Variants in EBF1 observed in about 807,000 individuals in gnomAD.
EBF1 encodes EBF transcription factor 1, also known as transcription factor COE1.
Under a neutral mutation model 68.4 loss-of-function variants are expected in EBF1, and 10 were observed. That is an observed-to-expected ratio of 0.15 (90% confidence interval 0.09 to 0.25). EBF1 has a LOEUF of 0.25. Among genes scored for constraint, EBF1 ranks in the 10% least tolerant of loss-of-function variants. The pLI is 1.00. For missense variants in EBF1, 509 were observed against 794.4 expected (o/e 0.64, Z 4.32); for synonymous variants, 298 against 299.8 (o/e 0.99, Z 0.06).
chr5:158,698,614 T>A lies in EBF1; in HGVS notation c.*497A>T, dbSNP rs1287553577. ...CCTTAGTTTTTCTAAAAAATCTAAC[T>A]GGCATTCCTATTCTGTCCCATACAA... is the stretch of plus-strand genomic sequence containing the variant. On this transcript the variant is annotated 3_prime_UTR_variant, in exon 16 of 16. Transcript: ENST00000313708. 2 of 216,986 alleles carry A rather than the reference T, an allele frequency of 9.2e-6. No individual in the cohort carries two copies. The highest frequency in any genetic ancestry group is 4.5e-5 in the African/African-American group (2 of 44,242). 13.4% of individuals were successfully genotyped at this position (216,986 alleles called of 1,614,324 possible).
chr5:159,092,494 AT>A (rs1781831700), intron 4 of EBF1, among the ~76,000 whole-genome samples: 1 of 152,144 alleles, frequency 6.6e-6, no homozygotes, highest in South Asian at 2.1e-4. Context: ...AAATAGTCTA[AT>A]GAGACACTTT....
intron 6 of EBF1, among the ~76,000 whole-genome samples, chr5:158,861,146 C>G (rs1368983590): frequency 6.6e-6 from 1 of 151,980 alleles, no homozygotes; most frequent in Non-Finnish European, 1.5e-5. Flanking sequence ...CTGGAGGATT[C>G]AAGGTGATAG....
At chr5:159,074,231 A>G (rs911121362) in intron 5 of EBF1, among the ~76,000 whole-genome samples, 3 of 152,208 alleles carry the variant, frequency 2.0e-5, no homozygotes, top group African/African-American at 4.8e-5. Flanking sequence ...AAAAGTACCT[A>G]TTACTAAAAT....
At chr5:159,047,726 C>T (rs973352051) in intron 6 of EBF1, among the ~76,000 whole-genome samples, 2 of 152,200 alleles carry the variant, frequency 1.3e-5, no homozygotes, top group African/African-American at 4.8e-5. Context: ...GTCCTTCACA[C>T]ATCAGCCCCA....
intron 6 of EBF1, among the ~76,000 whole-genome samples, chr5:158,877,700 G>GCACACA (rs3035127): frequency 3.3e-5 from 5 of 150,644 alleles, no homozygotes; most frequent in African/African-American, 9.8e-5. Flanking sequence ...TACTACAAAC[G>GCACACA]CACACACACA....
intron 6 of EBF1, among the ~76,000 whole-genome samples, chr5:158,851,723 AGAAAGGAAGGGAAGAGAAAG>A (rs1235240987): frequency 2.2e-5 from 2 of 90,794 alleles, no homozygotes; most frequent in African/African-American, 8.2e-5. Flanking sequence ...AGGGAAGGAA[AGAAAGGAAGGGAAGAGAAAG>A]GAAGGGAAGG....
chr5:158,843,936 C>T (rs1790857529), intron 6 of EBF1, among the ~76,000 whole-genome samples: 3 of 152,120 alleles, frequency 2.0e-5, no homozygotes, highest in South Asian at 2.1e-4. Context: ...TCTCAGATTC[C>T]GAGGGGGCTT....
chr5:158,894,320 G>A (rs1375328385), intron 6 of EBF1, among the ~76,000 whole-genome samples: 2 of 151,810 alleles, frequency 1.3e-5, no homozygotes, highest in East Asian at 1.9e-4. Flanking sequence ...TTAGGGAAGA[G>A]GCCATTGAAT....
chr5:158,799,198 T>G (rs927972851), intron 8 of EBF1, among the ~76,000 whole-genome samples: 25 of 151,952 alleles, frequency 1.6e-4, no homozygotes, highest in African/African-American at 6.0e-4. Flanking sequence ...GAAGCCAAGG[T>G]GAAAGGATCT....
intron 6 of EBF1, among the ~76,000 whole-genome samples, chr5:159,062,364 C>T (rs1481754714): frequency 2.6e-5 from 4 of 152,038 alleles, no homozygotes; most frequent in Non-Finnish European, 2.9e-5. Flanking sequence ...AAGCTCCCGT[C>T]TGCCCAGGTG....
In EBF1 at chr5:159,099,555, AG is replaced by A; in HGVS notation, c.-78del. Reference sequence around the variant, plus strand: ...AAAAAAAAAAAAGGAAAGAAAAGAAAGAAAAGAAAAGAAACAAAAACGCCAA... The same window carrying A: ...AAAAAAAAAAAAGGAAAGAAAAGAAAAAAAGAAAAGAAACAAAAACGCCAA... On this transcript the variant is annotated 5_prime_UTR_variant, in exon 1 of 16. Coordinates refer to ENST00000313708, the MANE Select transcript of EBF1 (RefSeq NM_024007.5). 7.2e-7 allele frequency: 1 copy of A among 1,379,906 alleles called. No individual in the cohort carries two copies. Among genetic ancestry groups the A allele is most frequent in the Admixed American group, 2.9e-5 (1 of 34,098 alleles). The allele number at this position is 1,379,906 out of a possible 1,614,324, so 85.5% of individuals were successfully genotyped here. A position where few individuals can be genotyped will look rare whatever the true frequency, so the allele number is the denominator to read the frequency against.
At chr5:158,700,219 C>G (rs936817410) in intron 15 of EBF1, among the ~76,000 whole-genome samples, 1 of 152,210 alleles carries the variant, frequency 6.6e-6, no homozygotes, top group African/African-American at 2.4e-5. Context: ...CAAATAGGCA[C>G]CATCCCATGT....
intron 5 of EBF1, among the ~76,000 whole-genome samples, chr5:159,079,811 C>T (rs1442808786): frequency 2.6e-5 from 4 of 151,968 alleles, no homozygotes; most frequent in Non-Finnish European, 5.9e-5. Context: ...GATGGGGTTT[C>T]ACCATGTTGG....
chr5:158,970,137 A>C (rs943292531), intron 6 of EBF1, among the ~76,000 whole-genome samples: 1 of 152,188 alleles, frequency 6.6e-6, no homozygotes, highest in African/African-American at 2.4e-5. Flanking sequence ...AATCTTATAA[A>C]ATATTTTATC....
chr5:158,799,288 G>A (rs1330172507), intron 8 of EBF1, among the ~76,000 whole-genome samples: 1 of 152,066 alleles, frequency 6.6e-6, no homozygotes, highest in African/African-American at 2.4e-5. Flanking sequence ...AAACTAGCCA[G>A]GTGCAAGCCT....
chr5:158,705,358 C>T (rs923807351), intron 15 of EBF1, among the ~76,000 whole-genome samples: 1 of 152,170 alleles, frequency 6.6e-6, no homozygotes, highest in Non-Finnish European at 1.5e-5. Flanking sequence ...GTCTCCTTGA[C>T]ATTTGTTCAA....
chr5:158,841,652 A>G (rs2127970387), intron 6 of EBF1, among the ~76,000 whole-genome samples: 1 of 152,310 alleles, frequency 6.6e-6, no homozygotes, highest in East Asian at 1.9e-4. Context: ...ATGTCTGTCA[A>G]TCATGTAACA....
chr5:159,096,822 G>T, intron 2 of EBF1, 152 bp downstream of exon 2: 1 of 1,039,392 alleles, frequency 9.6e-7, no homozygotes, highest in Non-Finnish European at 1.4e-6. Flanking sequence ...AGGACCCTGG[G>T]TTCGTCTGGG....
chr5:158,896,892 T>C (rs758868324), intron 6 of EBF1, among the ~76,000 whole-genome samples: 26 of 151,118 alleles, frequency 1.7e-4, no homozygotes, highest in Non-Finnish European at 3.1e-4. Flanking sequence ...CCACCTATCC[T>C]ATCCCAGTGG....
Sources: gnomAD v4.1 joint callset for allele counts (sites outside exome capture counted in the v4.1 genomes callset) on GRCh38, gnomAD v4.1.1 for gene constraint, MANE v1.5 for transcripts, NCBI Gene and HGNC (gene_info 2026-07-23, HGNC 2026-07-21) for gene names.